Variants in DLGAP2 observed in about 807,000 individuals in gnomAD.
DLGAP2 encodes DLG associated protein 2, also known as disks large-associated protein 2.
A neutral mutation model predicts 100.3 loss-of-function variants in DLGAP2; 26 were observed. That is an observed-to-expected ratio of 0.26 (90% confidence interval 0.19 to 0.36). The LOEUF (loss-of-function observed/expected upper bound fraction) is 0.36. Among genes scored for constraint, DLGAP2 ranks in the 10% least tolerant of loss-of-function variants. DLGAP2 has a pLI of 1.00. For synonymous variants in DLGAP2, 886 were observed against 630.1 expected, an observed-to-expected ratio of 1.41 and a Z score of -6.08; for missense variants, 1,858 against 1,453.2, an observed-to-expected ratio of 1.28 and a Z score of -4.53.
intron 6 of DLGAP2, among the ~76,000 whole-genome samples, chr8:1,613,924 A>G (rs753177125): frequency 2.0e-5 from 3 of 152,224 alleles, no homozygotes; most frequent in Non-Finnish European, 4.4e-5. Context: ...CTAAATTGCT[A>G]CCTTCCATTC....
intron 3 of DLGAP2, among the ~76,000 whole-genome samples, chr8:1,482,639 C>G (rs1246015444): frequency 6.6e-6 from 1 of 152,254 alleles, no homozygotes; most frequent in Non-Finnish European, 1.5e-5. Flanking sequence ...TCTCCCGCCC[C>G]CTCCCCACGG....
chr8:1,466,511 A>C (rs1280632980), intron 3 of DLGAP2, among the ~76,000 whole-genome samples: 1 of 120,498 alleles, frequency 8.3e-6, no homozygotes, highest in Admixed American at 9.4e-5. Flanking sequence ...TAACTTTTCC[A>C]GACATCTCAA....
intron 2 of DLGAP2, among the ~76,000 whole-genome samples, chr8:931,047 T>G (rs1174377260): frequency 4.6e-5 from 7 of 151,770 alleles, no homozygotes; most frequent in African/African-American, 1.5e-4. Context: ...TCAAATGATT[T>G]CCCGAGGTGG....
chr8:1,701,353 G>C lies in DLGAP2; in HGVS notation c.3115G>C (p.Glu1039Gln), dbSNP rs377140791. 1.3e-5 allele frequency: 20 copies of C among 1,592,234 alleles called. No individual in the cohort carries two copies. The highest frequency in any genetic ancestry group is 4.1e-5 in the African/African-American group (3 of 73,542). ...GTCCTTCCGGCAGAATTCCGCCTCC[G>C]AGCGCGCGGACAGCATCGAGATCTA... The part of the protein sequence containing the change: ...AASFRQNSAS[E>Q]RADSIEIYIP... Residue 1039 changes from glutamate (E) to glutamine (Q), a missense_variant, in exon 15 of 15, where the codon GAG (glutamate) becomes CAG (glutamine). By Grantham distance (29) the Glu-to-Gln change is conservative. Transcript: ENST00000637795.
At chr8:1,651,347 C>T (rs568424651) in intron 8 of DLGAP2, among the ~76,000 whole-genome samples, 9 of 152,316 alleles carry the variant, frequency 5.9e-5, no homozygotes, top group Admixed American at 3.3e-4. Context: ...GCCATGGTCA[C>T]GTCCACTTGG....
At chr8:1,286,551 G>T (rs765779554) in intron 3 of DLGAP2, among the ~76,000 whole-genome samples, 10 of 152,152 alleles carry the variant, frequency 6.6e-5, no homozygotes, top group Non-Finnish European at 1.0e-4. Flanking sequence ...TCTGGGATGC[G>T]GAGGTGCTTG....
intron 2 of DLGAP2, among the ~76,000 whole-genome samples, chr8:1,029,612 C>T (rs566180580): frequency 1.5e-5 from 2 of 131,176 alleles, no homozygotes; most frequent in Admixed American, 8.3e-5. Context: ...CAGGTTCTGG[C>T]AGGATGGCCT....
intron 1 of DLGAP2, among the ~76,000 whole-genome samples, chr8:768,252 C>G (rs937447588): frequency 1.3e-5 from 2 of 152,080 alleles, no homozygotes; most frequent in Admixed American, 6.6e-5. Flanking sequence ...TGAGCCCTGC[C>G]TTTTGTTAGC....
intron 3 of DLGAP2, among the ~76,000 whole-genome samples, chr8:1,337,431 G>A (rs1251189610): frequency 4.1e-3 from 3 of 740 alleles, no homozygotes; most frequent in Non-Finnish European, 7.2e-3. Flanking sequence ...TGATGGTGAT[G>A]GTGATGATGA....
chr8:1,533,375 G>T (rs571728900), intron 4 of DLGAP2, among the ~76,000 whole-genome samples: 11 of 151,790 alleles, frequency 7.2e-5, no homozygotes, highest in Non-Finnish European at 1.5e-4. Context: ...GCGTTGTGGC[G>T]GGCACCTGTA....
chr8:1,200,261 G>A (rs1044727015), intron 2 of DLGAP2, among the ~76,000 whole-genome samples: 3 of 152,140 alleles, frequency 2.0e-5, no homozygotes, highest in Non-Finnish European at 4.4e-5. Flanking sequence ...TTTCCCCATC[G>A]AGGCTTCATG....
At chr8:1,290,005 A>G in intron 3 of DLGAP2, among the ~76,000 whole-genome samples, 1 of 152,202 alleles carries the variant, frequency 6.6e-6, no homozygotes, top group East Asian at 1.9e-4. Context: ...CTGCTGAAAA[A>G]GGTTCTATGC....
At chr8:1,359,126 G>A (rs1215040185) in intron 3 of DLGAP2, among the ~76,000 whole-genome samples, 3 of 152,182 alleles carry the variant, frequency 2.0e-5, no homozygotes, top group Non-Finnish European at 2.9e-5. Flanking sequence ...GGGACTGCAC[G>A]TGGAGAACCA....
At chr8:1,260,777 A>C (rs917324303) in intron 3 of DLGAP2, among the ~76,000 whole-genome samples, 2 of 152,200 alleles carry the variant, frequency 1.3e-5, no homozygotes, top group Admixed American at 6.5e-5. Context: ...TTGACTCTAG[A>C]GGGGACCTTG....
At chr8:882,380 A>G (rs13276361) in intron 1 of DLGAP2, among the ~76,000 whole-genome samples, 2,201 of 99,714 alleles carry the variant, frequency 0.022, 4 homozygotes, top group Middle Eastern at 0.043. Context: ...CCCTCGCCTG[A>G]TCCAGCGGTA....
chr8:1,392,307 C>T (rs1796380938), intron 3 of DLGAP2, among the ~76,000 whole-genome samples: 1 of 152,120 alleles, frequency 6.6e-6, no homozygotes, highest in Non-Finnish European at 1.5e-5. Flanking sequence ...GGTTGAGGCG[C>T]CATCTGGATC....
At chr8:836,801 G>A (rs1253101292) in intron 1 of DLGAP2, among the ~76,000 whole-genome samples, 1 of 152,170 alleles carries the variant, frequency 6.6e-6, no homozygotes, top group African/African-American at 2.4e-5. Context: ...GGCATCTAAC[G>A]GAGATCTTTT....
chr8:1,425,940 T>C (rs151117790), intron 3 of DLGAP2, among the ~76,000 whole-genome samples: 2 of 152,112 alleles, frequency 1.3e-5, no homozygotes, highest in Non-Finnish European at 2.9e-5. Flanking sequence ...CAGGACCTGA[T>C]GTAGGGCTTA....
intron 3 of DLGAP2, among the ~76,000 whole-genome samples, chr8:1,330,910 C>CCGCTT (rs1563087264): frequency 2.7e-5 from 4 of 145,860 alleles, no homozygotes; most frequent in African/African-American, 1.1e-4. Context: ...TGTGGGAGCA[C>CCGCTT]CACTTCATGG....
Sources: gnomAD v4.1 joint callset for allele counts (sites outside exome capture counted in the v4.1 genomes callset) on GRCh38, gnomAD v4.1.1 for gene constraint, MANE v1.5 for transcripts, NCBI Gene and HGNC (gene_info 2026-07-23, HGNC 2026-07-21) for gene names.